SLC22A3: variants seen among roughly 807,000 people sequenced by gnomAD.
SLC22A3 encodes the protein solute carrier family 22 member 3.
A neutral mutation model predicts 59.1 loss-of-function variants in SLC22A3; 51 were observed. The ratio of observed to expected loss-of-function variants is 0.86; its 90% CI spans 0.69 to 1.09. The LOEUF (loss-of-function observed/expected upper bound fraction) is 1.09. SLC22A3 is among the 50% of genes least tolerant of loss of function. The pLI is 0.00. For missense variants in SLC22A3, 711 were observed against 726.3 expected, an observed-to-expected ratio of 0.98 and a Z score of 0.24; for synonymous variants, 325 against 292.0, an observed-to-expected ratio of 1.11 and a Z score of -1.15.
chr6:160,407,195 G>T lies in SLC22A3; in HGVS notation c.688G>T (p.Val230Leu). 1 of 1,603,984 alleles carries T rather than the reference G, an allele frequency of 6.2e-7. No individual in the cohort carries two copies. Among genetic ancestry groups the T allele is most frequent in the Non-Finnish European group, 8.5e-7 (1 of 1,175,748 alleles). ...GACGTGGATGACTTGCTACGTGATT[G>T]GTAAGACATTCTTACACCATCTTCT... ...KGTWMTCYVI[V>L]TEIVGSKQRR... Residue 230 changes from valine to leucine, a missense_variant and splice_region_variant, in exon 3 of 11, where the codon GTG (valine) becomes TTG (leucine). By Grantham distance (32) the Val-to-Leu change is conservative. Coordinates refer to ENST00000275300, the MANE Select transcript of SLC22A3 (RefSeq NM_021977.4).
rs540854638 is a variant in SLC22A3 at position 160,393,286 on chromosome 6, T to G, written c.430-4693T>G. The stretch of plus-strand genomic sequence containing the variant: ...TTATTTATTTATTTATTTATTTTAT[T>G]TATTTATTTATTATTATTATACTTT... On this transcript the variant is annotated intron_variant, in intron 1 of 10. Transcript: ENST00000275300. Among the ~76,000 whole-genome samples the G allele has an allele frequency of 1.3e-3, 195 of 151,634 alleles. 3 individuals carry two copies. The South Asian group carries it at 0.039, about 31-fold the overall frequency.
chr6:160,360,520 A>C (rs1485008629), intron 1 of SLC22A3, among the ~76,000 whole-genome samples: 1 of 152,190 alleles, frequency 6.6e-6, no homozygotes. Flanking sequence ...CTCCCTTTTC[A>C]TTCTCTCAGT....
intron 7 of SLC22A3, among the ~76,000 whole-genome samples, chr6:160,441,717 TATTCAGGA>T (rs1788549896): frequency 1.3e-5 from 2 of 151,804 alleles, no homozygotes; most frequent in Non-Finnish European, 2.9e-5. Flanking sequence ...AAAAATTATA[TATTCAGGA>T]AGGTTCAATA....
chr6:160,436,270 C>T (rs981725309), intron 5 of SLC22A3, among the ~76,000 whole-genome samples: 6 of 152,112 alleles, frequency 3.9e-5, no homozygotes, highest in African/African-American at 1.4e-4. Flanking sequence ...ATTGAAAAGA[C>T]CAGTTTCTTG....
intron 7 of SLC22A3, among the ~76,000 whole-genome samples, chr6:160,439,860 T>C (rs1246835839): frequency 6.6e-6 from 1 of 152,152 alleles, no homozygotes; most frequent in East Asian, 1.9e-4. Context: ...CTCCCTTGAG[T>C]CCTTCCAATT....
At chr6:160,401,248 G>A (rs779634145) in intron 2 of SLC22A3, among the ~76,000 whole-genome samples, 1 of 151,956 alleles carries the variant, frequency 6.6e-6, no homozygotes, top group East Asian at 1.9e-4. Flanking sequence ...AGTATACCTA[G>A]TTATATCGTA....
chr6:160,444,218 T>C (rs543526687), intron 9 of SLC22A3, among the ~76,000 whole-genome samples: 3 of 152,012 alleles, frequency 2.0e-5, no homozygotes, highest in Non-Finnish European at 4.4e-5. Flanking sequence ...AATTTAAAAA[T>C]TAGCTAGGCG....
At chr6:160,366,359 A>G (rs1785204301) in intron 1 of SLC22A3, among the ~76,000 whole-genome samples, 2 of 152,320 alleles carry the variant, frequency 1.3e-5, no homozygotes, top group Non-Finnish European at 2.9e-5. Context: ...TAAAGGTGCT[A>G]CAAGCCACAT....
chr6:160,362,843 C>T (rs73589275), intron 1 of SLC22A3, among the ~76,000 whole-genome samples: 8,699 of 152,278 alleles, frequency 0.057, 705 homozygotes, highest in African/African-American at 0.19. Context: ...CGAGGTGGTG[C>T]CGGCAGCCGC....
chr6:160,367,290 G>A (rs990908024), intron 1 of SLC22A3, among the ~76,000 whole-genome samples: 5 of 152,140 alleles, frequency 3.3e-5, no homozygotes, highest in Non-Finnish European at 5.9e-5. Flanking sequence ...AAAACCATCA[G>A]ATCTCGTGAT....
rs1788954701 is a variant in SLC22A3 at position 160,451,314 on chromosome 6, G to T, written c.*258G>T. 1 of 455,278 alleles carries T rather than the reference G, an allele frequency of 2.2e-6. No individual in the cohort carries two copies. 28.2% of individuals were successfully genotyped at this position (455,278 alleles called of 1,614,324 possible). A position where few individuals can be genotyped will look rare whatever the true frequency, so the allele number is the denominator to read the frequency against. ...AGCTGTCAGGTGCACAGCCCTTCCT[G>T]GGTTTTTTTCTTGTGTTCCCTGTGG... On this transcript the variant is annotated 3_prime_UTR_variant, in exon 11 of 11. Transcript: ENST00000275300.
At chr6:160,417,052 C>T (rs977246163) in intron 5 of SLC22A3, among the ~76,000 whole-genome samples, 8 of 152,186 alleles carry the variant, frequency 5.3e-5, no homozygotes, top group Non-Finnish European at 1.0e-4. Flanking sequence ...TATTCACTTC[C>T]TCTCTGTAAG....
intron 1 of SLC22A3, 62 bp from the exon 2 acceptor site, chr6:160,397,917 T>C: frequency 8.2e-7 from 1 of 1,221,030 alleles, no homozygotes. Flanking sequence ...ATACAAAAGA[T>C]AAGGTGTTTT....
At chr6:160,372,951 T>C (rs895857470) in intron 1 of SLC22A3, among the ~76,000 whole-genome samples, 1 of 152,208 alleles carries the variant, frequency 6.6e-6, no homozygotes, top group African/African-American at 2.4e-5. Context: ...ACATGCTCCT[T>C]TAGCTCAGAG....
intron 1 of SLC22A3, among the ~76,000 whole-genome samples, chr6:160,378,813 A>T (rs911766425): frequency 2.0e-5 from 3 of 152,230 alleles, no homozygotes; most frequent in Non-Finnish European, 4.4e-5. Flanking sequence ...AGGGTTAAAT[A>T]GCTCATGTAA....
chr6:160,442,871 T>C lies in SLC22A3; in HGVS notation c.1397+2T>C. On this transcript the variant is annotated splice_donor_variant, in intron 8 of 10. Transcript: ENST00000275300. LOFTEE classifies it high-confidence loss of function. ...AGAATTGTACCCAACAACATTACGG[T>C]AATTCTAACAAACGTTATAGTTTCT... 1 of 1,599,312 alleles carries C rather than the reference T, an allele frequency of 6.3e-7. No individual in the cohort carries two copies. Among genetic ancestry groups the C allele is most frequent in the Non-Finnish European group, 8.6e-7 (1 of 1,166,520 alleles).
At chr6:160,402,923 A>G (rs906245093) in intron 2 of SLC22A3, among the ~76,000 whole-genome samples, 24 of 151,936 alleles carry the variant, frequency 1.6e-4, no homozygotes, top group African/African-American at 5.1e-4. Flanking sequence ...AGCATTGAAT[A>G]CATATATTAG....
chr6:160,419,298 C>T (rs1232340893), intron 5 of SLC22A3, among the ~76,000 whole-genome samples: 1 of 152,190 alleles, frequency 6.6e-6, no homozygotes, highest in Admixed American at 6.5e-5. Context: ...TTGGGAATAT[C>T]TGTTTCTGAC....
chr6:160,426,318 G>A (rs1333483741), intron 5 of SLC22A3: 1 of 985,224 alleles, frequency 1.0e-6, no homozygotes, highest in African/African-American at 1.7e-5. Flanking sequence ...TGGTTCTTGT[G>A]GTTCTTGTGG....
Sources: allele counts gnomAD v4.1 joint callset (sites outside exome capture counted in the v4.1 genomes callset), GRCh38; gene constraint gnomAD v4.1.1; transcripts MANE v1.5; gene names NCBI Gene and HGNC (gene_info 2026-07-23, HGNC 2026-07-21).